Variants in CLEC18A observed in about 807,000 individuals in gnomAD.
CLEC18A encodes the protein C-type lectin domain family 18 member A.
Under a neutral mutation model 24.0 loss-of-function variants are expected in CLEC18A, and 5 were observed. The observed-to-expected ratio is 0.21, with a 90% CI of 0.11 to 0.44. The LOEUF (loss-of-function observed/expected upper bound fraction) is 0.44. CLEC18A is among the 20% of genes least tolerant of loss of function. The pLI is 0.99. For synonymous variants in CLEC18A, 29 were observed against 100.1 expected (o/e 0.29, Z 4.24); for missense variants, 83 against 233.4 (o/e 0.36, Z 4.20).
downstream of CLEC18A, among the ~76,000 whole-genome samples, chr16:69,965,531 C>G (rs1200049770): frequency 2.0e-5 from 3 of 150,830 alleles, no homozygotes; most frequent in African/African-American, 7.4e-5. Flanking sequence ...GCGGCCGAGC[C>G]GAGACCTTCC....
At chr16:69,948,760 T>G (rs1355416077), upstream of CLEC18A, among the ~76,000 whole-genome samples, 6 of 138,880 alleles carry the variant, frequency 4.3e-5, no homozygotes, top group East Asian at 1.3e-3. Flanking sequence ...ATGCCCTGGT[T>G]AGGGGCCCAG....
chr16:69,966,581 A>C (rs960325876), downstream of CLEC18A, among the ~76,000 whole-genome samples: 1 of 136,746 alleles, frequency 7.3e-6, no homozygotes, highest in African/African-American at 2.9e-5. Flanking sequence ...TGAATAATCC[A>C]CCCCTTCTTT....
At chr16:69,964,767 T>C (rs1425269325), downstream of CLEC18A, among the ~76,000 whole-genome samples, 2 of 151,508 alleles carry the variant, frequency 1.3e-5, no homozygotes, top group African/African-American at 4.9e-5. Flanking sequence ...CCTCCCAAAG[T>C]GCTGGGATGA....
chr16:69,950,483 G>A (rs1167546923), upstream of CLEC18A, among the ~76,000 whole-genome samples: 6 of 107,914 alleles, frequency 5.6e-5, 3 homozygotes. Flanking sequence ...AGCCACGGCC[G>A]GGCCACGGCA....
At chr16:69,944,279 G>A in the CLEC18A span, among the ~76,000 whole-genome samples, 1 of 149,634 alleles carries the variant, frequency 6.7e-6, no homozygotes, top group Non-Finnish European at 1.5e-5. Flanking sequence ...CTGGGCAACA[G>A]ATCCCTTGGT....
At chr16:69,965,321 G>A (rs1959343622), downstream of CLEC18A, among the ~76,000 whole-genome samples, 2 of 151,982 alleles carry the variant, frequency 1.3e-5, no homozygotes, top group South Asian at 2.1e-4. Context: ...GTGGGAGACG[G>A]GAGGGCCCGC....
At chr16:69,946,252 C>T (rs970255205), upstream of CLEC18A, among the ~76,000 whole-genome samples, 30 of 134,564 alleles carry the variant, frequency 2.2e-4, 1 homozygote, top group Middle Eastern at 3.5e-3. Flanking sequence ...CCAGCCTGGA[C>T]GACAGAGCAA....
downstream of CLEC18A, among the ~76,000 whole-genome samples, chr16:69,964,710 AC>A (rs1299110721): frequency 2.7e-5 from 4 of 150,488 alleles, no homozygotes; most frequent in Middle Eastern, 3.2e-3. Flanking sequence ...TCACCGTGTT[AC>A]CCAGGATGGT....
upstream of CLEC18A, among the ~76,000 whole-genome samples, chr16:69,950,173 T>C (rs1009418401): frequency 3.7e-4 from 46 of 124,410 alleles, 1 homozygote; most frequent in African/African-American, 1.1e-3. Flanking sequence ...TCCATGACGA[T>C]AGCCACATTC....
intron 2 of CLEC18A, chr16:69,953,961 G>A (rs368876355): frequency 8.3e-5 from 29 of 348,406 alleles, no homozygotes; most frequent in East Asian, 7.8e-4. Flanking sequence ...CAGCATGGCC[G>A]GGTGGGAGCA....
chr16:69,954,311 A>G, intron 2 of CLEC18A, 23 bp from the exon 3 acceptor site: 1 of 1,575,428 alleles, frequency 6.3e-7, no homozygotes, highest in Non-Finnish European at 8.7e-7. Flanking sequence ...CCTCCCACAG[A>G]TGTCTGTTTG....
chr16:69,953,098 T>A (rs1444943102), intron 2 of CLEC18A: 1 of 151,788 alleles, frequency 6.6e-6, no homozygotes, highest in Non-Finnish European at 1.5e-5. Flanking sequence ...AGGGCCCTTT[T>A]GTCAAAGTCC....
At chr16:69,956,432 T>C (rs2059037184) in intron 3 of CLEC18A, among the ~76,000 whole-genome samples, 1 of 126,736 alleles carries the variant, frequency 7.9e-6, no homozygotes, top group African/African-American at 3.4e-5. Context: ...CTCGGCTCAC[T>C]GCAAGCTCCG....
chr16:69,955,672 G>T (rs2059024673), intron 3 of CLEC18A, among the ~76,000 whole-genome samples: 1 of 144,744 alleles, frequency 6.9e-6, no homozygotes, highest in South Asian at 2.3e-4. Flanking sequence ...ATTTAAAACG[G>T]CCCCACTCTT....
chr16:69,948,793 C>T (rs938961664), upstream of CLEC18A, among the ~76,000 whole-genome samples: 5 of 139,964 alleles, frequency 3.6e-5, no homozygotes, highest in East Asian at 2.1e-4. Flanking sequence ...CCCAGCTCTA[C>T]GCCATTGGAT....
intron 3 of CLEC18A, among the ~76,000 whole-genome samples, 198 bp from the exon 4 acceptor site, chr16:69,958,744 A>G (rs1389348680): frequency 2.3e-5 from 3 of 131,686 alleles, no homozygotes; most frequent in Non-Finnish European, 4.7e-5. Flanking sequence ...AAAATAAATA[A>G]ATAAATAAAT....
At chr16:69,955,719 A>C (rs76879075) in intron 3 of CLEC18A, among the ~76,000 whole-genome samples, 38,878 of 119,384 alleles carry the variant, frequency 0.33, 6,506 homozygotes, top group East Asian at 0.66. Context: ...TACTAAACTA[A>C]AGCCCTGCTC....
At chr16:69,964,990 C>T (rs1285904561), downstream of CLEC18A, among the ~76,000 whole-genome samples, 2 of 151,846 alleles carry the variant, frequency 1.3e-5, no homozygotes, top group African/African-American at 2.4e-5. Flanking sequence ...TTTGTAGGGA[C>T]GGGGTTGCAC....
rs1483484002 is a variant in CLEC18A at position 69,954,329 on chromosome 16, C to T, written c.217-5C>T. ...CCCACAGATGTCTGTTTGTGCTGCC[C>T]CCAGGACTGGAGTGACAGCCTGGCC... On this transcript the variant is annotated splice_region_variant and splice_polypyrimidine_tract_variant and intron_variant, in intron 2 of 11. Coordinates refer to ENST00000288040, the MANE Select transcript of CLEC18A (RefSeq NM_001370523.4). The T allele has an allele frequency of 1.3e-6, 2 of 1,580,038 alleles. No homozygotes were observed. The highest frequency in any genetic ancestry group is 1.7e-6 in the Non-Finnish European group (2 of 1,156,704).
Sources: allele counts gnomAD v4.1 joint callset (sites outside exome capture counted in the v4.1 genomes callset), GRCh38; gene constraint gnomAD v4.1.1; transcripts MANE v1.5; gene names NCBI Gene and HGNC (gene_info 2026-07-23, HGNC 2026-07-21).